MAMLD1: variants seen among roughly 807,000 people sequenced by gnomAD.
The protein encoded by MAMLD1 is mastermind like domain containing 1.
A neutral mutation model predicts 45.0 loss-of-function variants in MAMLD1; 14 were observed. The ratio of observed to expected loss-of-function variants is 0.31; its 90% confidence interval spans 0.21 to 0.49. MAMLD1 has a LOEUF of 0.49. Ranked by LOEUF, MAMLD1 falls within the 20% of genes least tolerant of loss-of-function variation. The pLI, the probability that MAMLD1 is intolerant of heterozygous loss-of-function variation, is 0.99. For synonymous variants in MAMLD1, 254 were observed against 247.8 expected, an observed-to-expected ratio of 1.02 and a Z score of -0.24; for missense variants, 543 against 603.6, an observed-to-expected ratio of 0.90 and a Z score of 1.05.
Position 150,512,463 on chromosome X carries a change from C to T in MAMLD1, c.*504C>T. On this transcript the variant is annotated 3_prime_UTR_variant, in exon 8 of 8. Coordinates refer to ENST00000370401, the MANE Select transcript of MAMLD1 (RefSeq NM_005491.5). ...GTGACCACAGCAGTTTCGGGGAAAA[C>T]ACCCCTCAGCCAAGTGGATAATAGC... 1.7e-6 allele frequency: 2 copies of T among 1,156,200 alleles called. No homozygotes were observed. The highest frequency in any genetic ancestry group is 3.2e-5 in the East Asian group (1 of 30,786).
chrX:150,364,278 G>A (rs1265949126), intron 1 of MAMLD1, among the ~76,000 whole-genome samples: 1 of 113,105 alleles, frequency 8.8e-6, no homozygotes, highest in Admixed American at 9.2e-5. Context: ...TACTTTTCTC[G>A]GCCAGTTGGC....
intron 1 of MAMLD1, among the ~76,000 whole-genome samples, chrX:150,377,855 A>C (rs1354664371): frequency 9.1e-6 from 1 of 109,546 alleles, no homozygotes; most frequent in East Asian, 2.8e-4. Flanking sequence ...ACACACACAC[A>C]CAATTTTATT....
chrX:150,459,602 G>A (rs1557405508), intron 2 of MAMLD1, among the ~76,000 whole-genome samples: 1 of 109,539 alleles, frequency 9.1e-6, no homozygotes, highest in Non-Finnish European at 1.9e-5. Flanking sequence ...CTTCAACTGG[G>A]CACCCTCATC....
chrX:150,374,992 G>A (rs782423749), intron 1 of MAMLD1, among the ~76,000 whole-genome samples: 3 of 110,863 alleles, frequency 2.7e-5, no homozygotes, highest in Non-Finnish European at 5.7e-5. Context: ...AAGTGGGGTC[G>A]TGTCCTTTTG....
intron 5 of MAMLD1, among the ~76,000 whole-genome samples, chrX:150,490,324 T>C (rs960198470): frequency 2.7e-5 from 3 of 112,551 alleles, no homozygotes; most frequent in African/African-American, 9.7e-5. Context: ...AGCTAGACTA[T>C]TTCTTTGTTA....
intron 2 of MAMLD1, among the ~76,000 whole-genome samples, chrX:150,461,081 G>A (rs1363950157): frequency 8.8e-6 from 1 of 113,010 alleles, no homozygotes; most frequent in Non-Finnish European, 1.9e-5. Context: ...TGTCCAATAT[G>A]CCCTCATCAG....
At chrX:150,420,725 G>GC (rs2034464033) in intron 1 of MAMLD1, among the ~76,000 whole-genome samples, 1 of 112,579 alleles carries the variant, frequency 8.9e-6, no homozygotes, top group African/African-American at 3.2e-5. Context: ...GCCCCTGCTG[G>GC]GGGTGCCTCC....
intron 1 of MAMLD1, among the ~76,000 whole-genome samples, chrX:150,441,495 A>T (rs2035314755): frequency 9.1e-6 from 1 of 110,200 alleles, no homozygotes; most frequent in Non-Finnish European, 1.9e-5. Flanking sequence ...TTGTATTTTC[A>T]CTTTAATTCA....
At chrX:150,461,568 G>A (rs1453758657) in intron 2 of MAMLD1, among the ~76,000 whole-genome samples, 5 of 112,040 alleles carry the variant, frequency 4.5e-5, no homozygotes, top group African/African-American at 1.6e-4. Flanking sequence ...CACACGGCAT[G>A]GCTGCATCCT....
chrX:150,513,910 G>A lies in MAMLD1; in HGVS notation c.*1951G>A. 1 of 297,495 alleles carries A rather than the reference G, an allele frequency of 3.4e-6. No homozygotes were observed. Among genetic ancestry groups the A allele is most frequent in the Non-Finnish European group, 5.9e-6 (1 of 170,276 alleles). The allele number at this position is 297,495 out of a possible 1,213,427, so 24.5% of individuals were successfully genotyped here. ...ATTTGTTTTGATGTAAGGCTCTGTG[G>A]TTTGGGGGGGAACATCTGTAAACAT... On this transcript the variant is annotated 3_prime_UTR_variant, in exon 8 of 8. Coordinates refer to ENST00000370401, the MANE Select transcript of MAMLD1 (RefSeq NM_005491.5).
chrX:150,433,641 G>T (rs1403867429), intron 1 of MAMLD1, among the ~76,000 whole-genome samples: 1 of 111,550 alleles, frequency 9.0e-6, no homozygotes, highest in Non-Finnish European at 1.9e-5. Context: ...TTTATTGAAA[G>T]CCTTTTTATA....
At chrX:150,375,534 C>A (rs897133572) in intron 1 of MAMLD1, among the ~76,000 whole-genome samples, 9 of 112,530 alleles carry the variant, frequency 8.0e-5, no homozygotes, top group African/African-American at 1.6e-4. Flanking sequence ...ATTTTAGGAA[C>A]CTTTTGGAAA....
chrX:150,399,187 G>C (rs2124513709), intron 1 of MAMLD1, among the ~76,000 whole-genome samples: 1 of 111,888 alleles, frequency 8.9e-6, no homozygotes, highest in African/African-American at 3.2e-5. Context: ...GCTGTGGCAG[G>C]AGTCCAGGGA....
At chrX:150,432,254 C>T (rs977594479) in intron 1 of MAMLD1, among the ~76,000 whole-genome samples, 2 of 111,517 alleles carry the variant, frequency 1.8e-5, no homozygotes, top group African/African-American at 6.5e-5. Context: ...GTGTGCTCTG[C>T]CACTTTTTAA....
intron 1 of MAMLD1, among the ~76,000 whole-genome samples, chrX:150,412,152 T>C (rs1026292601): frequency 3.6e-5 from 4 of 111,507 alleles, no homozygotes; most frequent in African/African-American, 1.3e-4. Flanking sequence ...TTTTGTACTT[T>C]TGGCTACAAA....
intron 1 of MAMLD1, among the ~76,000 whole-genome samples, chrX:150,382,454 T>C (rs1196616591): frequency 1.8e-5 from 2 of 111,790 alleles, no homozygotes; most frequent in Admixed American, 1.9e-4. Context: ...CAAAATTGTT[T>C]TAACCTAGGA....
chrX:150,439,743 T>C (rs1483158950), intron 1 of MAMLD1, among the ~76,000 whole-genome samples: 1 of 111,526 alleles, frequency 9.0e-6, no homozygotes, highest in Non-Finnish European at 1.9e-5. Context: ...CAGACCAACC[T>C]GGCCAATGTG....
chrX:150,510,658 G>C (rs781976867), intron 7 of MAMLD1, among the ~76,000 whole-genome samples: 1 of 112,558 alleles, frequency 8.9e-6, no homozygotes, highest in East Asian at 2.8e-4. Flanking sequence ...TTGCAGGCTA[G>C]CCAAGAAGTC....
chrX:150,481,945 AAAAGAAAG>A (rs371528935), intron 5 of MAMLD1, among the ~76,000 whole-genome samples: 2 of 95,824 alleles, frequency 2.1e-5, no homozygotes, highest in African/African-American at 9.2e-5. Flanking sequence ...AAAGAAAGAA[AAAAGAAAG>A]AAAGAAAGAA....
Sources: gnomAD v4.1 joint callset for allele counts (sites outside exome capture counted in the v4.1 genomes callset) on GRCh38, gnomAD v4.1.1 for gene constraint, MANE v1.5 for transcripts, NCBI Gene and HGNC (gene_info 2026-07-23, HGNC 2026-07-21) for gene names.